STARD9: variants seen among roughly 807,000 people sequenced by gnomAD.
The protein encoded by STARD9 is StAR related lipid transfer domain containing 9, also known as stAR-related lipid transfer protein 9.
In STARD9, 346 loss-of-function variants were observed where a neutral mutation model predicts 399.8. The ratio of observed to expected loss-of-function variants is 0.87; its 90% confidence interval spans 0.79 to 0.95. The LOEUF (loss-of-function observed/expected upper bound fraction) is 0.95, where lower values mean the gene tolerates loss of function less well. STARD9 is among the 40% of genes least tolerant of loss of function. The pLI is 0.00. For missense variants in STARD9, 5,832 were observed against 5,667.5 expected, an observed-to-expected ratio of 1.03 and a Z score of -0.93; for synonymous variants, 2,203 against 2,143.5, an observed-to-expected ratio of 1.03 and a Z score of -0.77.
Position 42,663,483 on chromosome 15 carries a change from G to A in STARD9, c.1071G>A (p.Met357Ile). The A allele has an allele frequency of 6.5e-7, 1 of 1,537,334 alleles. No individual in the cohort carries two copies. Among genetic ancestry groups the A allele is most frequent in the Admixed American group, 2.0e-5 (1 of 50,996 alleles). ...TTGGAGGCAACTCTAAAACCATCAT[G>A]GTTGCCAGTGAGTGGGATGCCAGAG... ...DSLGGNSKTI[M>I]VATVSPAHTS... Residue 357 changes from methionine to isoleucine, a missense_variant, in exon 12 of 33, where the codon ATG (methionine) becomes ATA (isoleucine). This residue lies in a region of STARD9 where 5,828 missense variants were observed against 5,651.1 expected (regional missense o/e 1.03). Transcript: ENST00000290607.
At chr15:42,712,088 T>TAAAAAATATAAAATATATAATATATA (rs1180409814) in intron 26 of STARD9, among the ~76,000 whole-genome samples, 1 of 1,090 alleles carries the variant, frequency 9.2e-4, no homozygotes, top group African/African-American at 1.9e-3. Context: ...ATATTATATA[T>TAAAAAATATAAAATATATAATATATA]ATATATATAA....
Position 42,717,764 on chromosome 15 carries a change from C to G in STARD9, c.13528C>G (p.Leu4510Val). 1 of 1,537,260 alleles carries G rather than the reference C, an allele frequency of 6.5e-7. No individual in the cohort carries two copies. Among genetic ancestry groups the G allele is most frequent in the Non-Finnish European group, 8.7e-7 (1 of 1,146,914 alleles). Residue 4510 changes from leucine (L) to valine (V), a missense_variant, in exon 29 of 33, where the codon CTC (leucine) becomes GTC (valine). Coordinates refer to ENST00000290607, the MANE Select transcript of STARD9 (RefSeq NM_020759.3). The part of the protein sequence containing the change: ...MAACSDNLHN[L>V]FSCQATAGWN... ...TGCTTGTTCGGATAATTTGCACAACCTCTTCAGCTGCCAGGCAACTGCTGG... is the reference window on the plus strand; with the variant it reads ...TGCTTGTTCGGATAATTTGCACAACGTCTTCAGCTGCCAGGCAACTGCTGG...
At chr15:42,697,493 A>G (rs2060869192) in intron 26 of STARD9, among the ~76,000 whole-genome samples, 1 of 152,172 alleles carries the variant, frequency 6.6e-6, no homozygotes. Context: ...TTCATATAGT[A>G]GAAAGGGCAC....
intron 3 of STARD9, among the ~76,000 whole-genome samples, chr15:42,595,816 G>C (rs2058491588): frequency 6.6e-6 from 1 of 152,188 alleles, no homozygotes; most frequent in South Asian, 2.1e-4. Context: ...CTGCAGAGCT[G>C]AGTGGAAGAT....
Position 42,575,720 on chromosome 15 carries a change from C to T in STARD9, c.5C>T (p.Ala2Val). M[A>V]NVQVAVRVRP... ...GACTTGGGTTGTGGCAGACGGATGG[C>T]GAACGTGCAGGTCGCCGTGCGGGTC... The change falls in exon 1 of 33, where the codon GCG becomes GTG. Residue 2 changes from alanine to valine, a missense_variant. By Grantham distance (64) the Ala-to-Val change is moderately conservative. Coordinates refer to ENST00000290607, the MANE Select transcript of STARD9 (RefSeq NM_020759.3). 4.6e-6 allele frequency: 7 copies of T among 1,536,412 alleles called. No individual in the cohort carries two copies. The highest frequency in any genetic ancestry group is 6.1e-6 in the Non-Finnish European group (7 of 1,146,766).
chr15:42,655,637 G>A (rs1394562992), intron 9 of STARD9, among the ~76,000 whole-genome samples: 1 of 152,152 alleles, frequency 6.6e-6, no homozygotes. Context: ...AAAAATTCTA[G>A]AAGATAACAT....
At chr15:42,674,322 T>G in intron 16 of STARD9, 118 bp from the exon 17 acceptor site, 87 of 820,108 alleles carry the variant, frequency 1.1e-4, no homozygotes, top group Non-Finnish European at 1.6e-4. Context: ...TGGGATGGGA[T>G]GAGAAGTGGT....
chr15:42,708,794 G>A (rs774184131), intron 26 of STARD9, among the ~76,000 whole-genome samples: 16 of 151,780 alleles, frequency 1.1e-4, no homozygotes, highest in Non-Finnish European at 1.9e-4. Context: ...CAAAAGGATC[G>A]TGTCTGTGGT....
chr15:42,696,265 A>G (rs1183254586), intron 26 of STARD9, among the ~76,000 whole-genome samples: 2 of 152,262 alleles, frequency 1.3e-5, no homozygotes, highest in African/African-American at 4.8e-5. Flanking sequence ...CTAGAAGGTC[A>G]TAGAGATACT....
intron 26 of STARD9, among the ~76,000 whole-genome samples, chr15:42,715,389 G>T (rs893606368): frequency 5.3e-5 from 8 of 152,162 alleles, no homozygotes; most frequent in Non-Finnish European, 1.2e-4. Flanking sequence ...GGGTTTTAAA[G>T]ATGAGAGAAG....
chr15:42,715,520 A>T (rs1293155775), intron 26 of STARD9, among the ~76,000 whole-genome samples: 7 of 143,784 alleles, frequency 4.9e-5, no homozygotes, highest in South Asian at 2.2e-4. Context: ...GTCTTTACAA[A>T]TTTTTTTTTT....
chr15:42,699,769 C>T (rs1055792292), intron 26 of STARD9, among the ~76,000 whole-genome samples: 4 of 151,970 alleles, frequency 2.6e-5, no homozygotes, highest in Non-Finnish European at 4.4e-5. Context: ...TGCAATGGTG[C>T]AAACTTGGCT....
At chr15:42,624,835 G>C (rs2059167005) in intron 3 of STARD9, among the ~76,000 whole-genome samples, 2 of 151,916 alleles carry the variant, frequency 1.3e-5, no homozygotes, top group Non-Finnish European at 2.9e-5. Context: ...AGGCATGAGA[G>C]AATAATTTTC....
chr15:42,640,315 G>A (rs1338471258), intron 7 of STARD9, among the ~76,000 whole-genome samples: 1 of 152,154 alleles, frequency 6.6e-6, no homozygotes, highest in African/African-American at 2.4e-5. Context: ...GACGCAATAG[G>A]TATGCTAGTG....
chr15:42,581,109 A>C (rs181784293), intron 1 of STARD9: 1 of 700,300 alleles, frequency 1.4e-6, no homozygotes, highest in South Asian at 1.5e-5. Context: ...CTTTTCTTCT[A>C]ATCCTTGCAG....
chr15:42,612,707 G>A (rs1399576256), intron 3 of STARD9, among the ~76,000 whole-genome samples: 2 of 152,250 alleles, frequency 1.3e-5, no homozygotes, highest in African/African-American at 2.4e-5. Context: ...AAATCCAGCA[G>A]GTTGCAGTGG....
chr15:42,684,277 A>C lies in STARD9; in HGVS notation c.2699A>C (p.His900Pro). ...LRKNGLHSSG[H>P]GQPCTARAAL... ...AAGAACGGCCTGCATTCCTCAGGTC[A>C]TGGGCAGCCCTGCACAGCCAGAGCA... Residue 900 changes from histidine (H) to proline (P), a missense_variant, in exon 23 of 33, where the codon CAT becomes CCT. Physicochemically the swap from His to Pro is moderately conservative, Grantham distance 77. Around this residue, in one of 2 missense-constraint regions of STARD9, gnomAD observed 5,828 missense variants for 5,651.1 expected, o/e 1.03. Transcript: ENST00000290607. 6.5e-7 allele frequency: 1 copy of C among 1,537,240 alleles called. No homozygotes were observed. The highest frequency in any genetic ancestry group is 8.7e-7 in the Non-Finnish European group (1 of 1,146,910).
At chr15:42,661,923 TACA>T (rs2060000987) in intron 10 of STARD9, among the ~76,000 whole-genome samples, 1 of 152,212 alleles carries the variant, frequency 6.6e-6, no homozygotes, top group African/African-American at 2.4e-5. Flanking sequence ...ACTGAATTAG[TACA>T]ACTTTTCTCT....
intron 26 of STARD9, among the ~76,000 whole-genome samples, chr15:42,699,063 T>C (rs2060904418): frequency 1.3e-5 from 2 of 152,190 alleles, no homozygotes; most frequent in South Asian, 4.1e-4. Flanking sequence ...ACACATAATG[T>C]AAATATTTAT....
Sources: gnomAD v4.1 joint callset for allele counts (sites outside exome capture counted in the v4.1 genomes callset) on GRCh38, gnomAD v4.1.1 for gene constraint, gnomAD v4.1.1 regional missense constraint, MANE v1.5 for transcripts, NCBI Gene and HGNC (gene_info 2026-07-23, HGNC 2026-07-21) for gene names.